The following OVOL2 variants were observed in gnomAD, a reference collection of about 807,000 sequenced individuals.
OVOL2 encodes ovo like zinc finger 2, also known as transcription factor Ovo-like 2.
In OVOL2, 13 loss-of-function variants were observed where a neutral mutation model predicts 18.1. The observed-to-expected ratio is 0.72, with a 90% confidence interval of 0.47 to 1.14. The LOEUF (loss-of-function observed/expected upper bound fraction) is 1.14. Ranked by LOEUF, OVOL2 falls within the 50% of genes most tolerant of loss-of-function variation. The pLI, the probability that OVOL2 is intolerant of heterozygous loss-of-function variation, is 0.00. For missense variants in OVOL2, 335 were observed against 383.0 expected (o/e 0.87, Z 1.05); for synonymous variants, 166 against 162.7 (o/e 1.02, Z -0.16).
intron 3 of OVOL2, among the ~76,000 whole-genome samples, chr20:18,034,016 A>T (rs1338684018): frequency 6.6e-6 from 1 of 152,056 alleles, no homozygotes; most frequent in East Asian, 1.9e-4. Context: ...CCCTCTCTCT[A>T]TTTTGAGCTG....
intron 3 of OVOL2, among the ~76,000 whole-genome samples, chr20:18,035,730 A>G (rs1304170420): frequency 6.6e-6 from 1 of 152,196 alleles, no homozygotes; most frequent in Non-Finnish European, 1.5e-5. Context: ...CCTTCATCAG[A>G]AAATAGGTCG....
chr20:18,035,845 A>G (rs2036610892), intron 3 of OVOL2, among the ~76,000 whole-genome samples: 1 of 152,244 alleles, frequency 6.6e-6, no homozygotes, highest in Non-Finnish European at 1.5e-5. Flanking sequence ...AGTGCCATCC[A>G]ATAGAAATTA....
At chr20:18,038,868 T>A (rs2036643692) in intron 3 of OVOL2, among the ~76,000 whole-genome samples, 1 of 152,082 alleles carries the variant, frequency 6.6e-6, no homozygotes, top group African/African-American at 2.4e-5. Flanking sequence ...TGCTGCTGGA[T>A]GGGTCCCTTG....
chr20:18,054,427 T>A (rs2036798235), intron 2 of OVOL2, among the ~76,000 whole-genome samples: 1 of 152,190 alleles, frequency 6.6e-6, no homozygotes, highest in African/African-American at 2.4e-5. Flanking sequence ...CTTCTTGTGG[T>A]CCTGGGAGCC....
intron 3 of OVOL2, among the ~76,000 whole-genome samples, chr20:18,036,092 G>A (rs1054226018): frequency 2.6e-5 from 4 of 151,982 alleles, no homozygotes; most frequent in Admixed American, 6.6e-5. Flanking sequence ...TCAGGAGTTC[G>A]AAACCAGCCT....
At position 18,041,534 on chromosome 20, in the gene OVOL2, C is replaced by G. The variant is rs1447735716; in HGVS notation, c.511G>C (p.Gly171Arg). 1 of 1,609,904 alleles carries G rather than the reference C, an allele frequency of 6.2e-7. No individual in the cohort carries two copies. Among genetic ancestry groups the G allele is most frequent in the East Asian group, 2.2e-5 (1 of 44,742 alleles). Residue 171 changes from glycine to arginine, a missense_variant and splice_region_variant, in exon 3 of 4, where the codon GGC becomes CGC. Transcript: ENST00000278780. Reference protein sequence around the residue: ...DLKRHVRTHTGIRPYKCNVCN... With the variant: ...DLKRHVRTHTRIRPYKCNVCN... Reference sequence around the variant, plus strand: ...AACAAAGCACGCACTCCCCGCTCACCTGTGTGTGTGCGGACGTGCCTCTTC... The same window carrying G: ...AACAAAGCACGCACTCCCCGCTCACGTGTGTGTGTGCGGACGTGCCTCTTC...
chr20:18,056,533 C>A lies in OVOL2; in HGVS notation c.321+124G>T. ...AGGGGCAGGTGCAGGAGCGGCGCGG[C>A]GGGCGCGCTCGGGGCGCGGGTGCCG... On this transcript the variant is annotated intron_variant, in intron 2 of 3. Coordinates refer to ENST00000278780, the MANE Select transcript of OVOL2 (RefSeq NM_021220.4). This position sits in a 1 kb window ranked among gnomAD's most constrained non-coding sequence, Gnocchi z 4.2. The A allele has an allele frequency of 9.5e-7, 1 of 1,055,840 alleles. No individual in the cohort carries two copies. The highest frequency in any genetic ancestry group is 4.5e-5 in the South Asian group (1 of 22,336). The allele number at this position is 1,055,840 out of a possible 1,614,324, so 65.4% of individuals were successfully genotyped here.
chr20:18,057,742 C>T lies in OVOL2; in HGVS notation c.-108G>A. The T allele has an allele frequency of 6.9e-7, 1 of 1,442,614 alleles. No individual in the cohort carries two copies. 89.4% of individuals were successfully genotyped at this position (1,442,614 alleles called of 1,614,324 possible). On this transcript the variant is annotated 5_prime_UTR_variant, in exon 1 of 4. Transcript: ENST00000278780. This position sits in a 1 kb window ranked among gnomAD's most constrained non-coding sequence, Gnocchi z 6.3. ...TCCCGGCGGCCAGAGCCCACCTTCC[C>T]GCCTCGCCTGCCCTCTTCCTCCACC...
chr20:18,056,892 G>A lies in OVOL2; in HGVS notation c.101-15C>T. 6.8e-7 allele frequency: 1 copy of A among 1,477,256 alleles called. No individual in the cohort carries two copies. The highest frequency in any genetic ancestry group is 8.9e-7 in the Non-Finnish European group (1 of 1,122,120). The allele number at this position is 1,477,256 out of a possible 1,614,324, so 91.5% of individuals were successfully genotyped here. A position where few individuals can be genotyped will look rare whatever the true frequency, so the allele number is the denominator to read the frequency against. ...GCCTAGGCCCACTGTGGAGGGAGGG[G>A]CCGCGCCCCGACACACACACTCGGC... On this transcript the variant is annotated splice_polypyrimidine_tract_variant and intron_variant, in intron 1 of 3. Transcript: ENST00000278780. The surrounding 1 kb of genome is among the most constrained non-coding windows in gnomAD (Gnocchi z 4.2).
At position 18,024,756 on chromosome 20, in the gene OVOL2, G is replaced by A. The variant is rs1486666058; in HGVS notation, c.708C>T (p.Ala236=). The A allele has an allele frequency of 6.2e-7, 1 of 1,614,108 alleles. No homozygotes were observed. The highest frequency in any genetic ancestry group is 1.1e-5 in the South Asian group (1 of 91,076). Reference sequence around the variant, plus strand: ...TTTTGAGAAACGAGCTGCCCGGATGGGCACTGTTCACGTGCAGGTACAGGT... The same window carrying A: ...TTTTGAGAAACGAGCTGCCCGGATGAGCACTGTTCACGTGCAGGTACAGGT... ...QEDLYLHVNS[A]HPGSSFLKKT... is the part of the protein sequence containing the mutation. Residue 236 remains alanine (A), a synonymous_variant, in exon 4 of 4, where the codon GCC becomes GCT. Transcript: ENST00000278780.
At chr20:18,024,993 G>T in intron 3 of OVOL2, 41 bp from the exon 4 acceptor site, 1 of 1,575,734 alleles carries the variant, frequency 6.3e-7, no homozygotes, top group South Asian at 1.2e-5. Flanking sequence ...GTTGGTCATG[G>T]CCAAGCCAGA....
intron 2 of OVOL2, among the ~76,000 whole-genome samples, chr20:18,045,975 TG>T (rs2036721393): frequency 6.6e-6 from 1 of 152,188 alleles, no homozygotes; most frequent in Non-Finnish European, 1.5e-5. Flanking sequence ...CACCAAGAAG[TG>T]GCTCAGGTAG....
In OVOL2 at chr20:18,039,824, G is replaced by A. The variant is rs182751760; in HGVS notation, c.511+1710C>T. ...GGCCTAAGAAGGAACCTGTATGAGGGCTGAGTAGCTGGGAGCCCCATCTGG... is the reference window on the plus strand; with the variant it reads ...GGCCTAAGAAGGAACCTGTATGAGGACTGAGTAGCTGGGAGCCCCATCTGG... On this transcript the variant is annotated intron_variant, in intron 3 of 3. Coordinates refer to ENST00000278780, the MANE Select transcript of OVOL2 (RefSeq NM_021220.4). Among the ~76,000 whole-genome samples, 193 of 152,224 alleles carry A rather than the reference G, an allele frequency of 1.3e-3. 1 individual carries two copies. Among genetic ancestry groups the A allele is most frequent in the Non-Finnish European group, 2.1e-3 (141 of 68,028 alleles).
chr20:18,057,791 C>G lies in OVOL2; in HGVS notation c.-157G>C. 1 of 1,385,840 alleles carries G rather than the reference C, an allele frequency of 7.2e-7. No homozygotes were observed. 85.8% of individuals were successfully genotyped at this position (1,385,840 alleles called of 1,614,324 possible). A position where few individuals can be genotyped will look rare whatever the true frequency, so the allele number is the denominator to read the frequency against. Reference sequence around the variant, plus strand: ...CCCCCCGCCGCGGCGCGGCCCAGGCCTCTCCCCCGCACGCCTGGCGACTCC... The same window carrying G: ...CCCCCCGCCGCGGCGCGGCCCAGGCGTCTCCCCCGCACGCCTGGCGACTCC... On this transcript the variant is annotated 5_prime_UTR_variant, in exon 1 of 4. Transcript: ENST00000278780. This position sits in a 1 kb window ranked among gnomAD's most constrained non-coding sequence, Gnocchi z 6.3.
rs1163289673 is a variant in OVOL2 at position 18,056,514 on chromosome 20, A to G, written c.321+143T>C. 1.0e-6 allele frequency: 1 copy of G among 998,950 alleles called. No homozygotes were observed. The highest frequency in any genetic ancestry group is 1.2e-6 in the Non-Finnish European group (1 of 837,842). The allele number at this position is 998,950 out of a possible 1,614,324, so 61.9% of individuals were successfully genotyped here. ...GGCGCCCTGGCCGCCGCCCAGGGGCAGGTGCAGGAGCGGCGCGGCGGGCGC... is the reference window on the plus strand; with the variant it reads ...GGCGCCCTGGCCGCCGCCCAGGGGCGGGTGCAGGAGCGGCGCGGCGGGCGC... On this transcript the variant is annotated intron_variant, in intron 2 of 3. Transcript: ENST00000278780. This position sits in a 1 kb window ranked among gnomAD's most constrained non-coding sequence, Gnocchi z 4.2.
intron 2 of OVOL2, among the ~76,000 whole-genome samples, chr20:18,051,605 C>T (rs2036771942): frequency 6.6e-6 from 1 of 152,148 alleles, no homozygotes; most frequent in Non-Finnish European, 1.5e-5. Context: ...GCTGACCAAG[C>T]AGGGAGAGTT....
At position 18,056,537 on chromosome 20, in the gene OVOL2, C is replaced by A. The variant is rs978451867; in HGVS notation, c.321+120G>T. 10 of 1,075,926 alleles carry A rather than the reference C, an allele frequency of 9.3e-6. No individual in the cohort carries two copies. The African/African-American group carries it at 1.0e-4, about 11-fold the overall frequency. 66.6% of individuals were successfully genotyped at this position (1,075,926 alleles called of 1,614,324 possible). A position where few individuals can be genotyped will look rare whatever the true frequency, so the allele number is the denominator to read the frequency against. Reference sequence around the variant, plus strand: ...GCAGGTGCAGGAGCGGCGCGGCGGGCGCGCTCGGGGCGCGGGTGCCGGGTT... The same window carrying A: ...GCAGGTGCAGGAGCGGCGCGGCGGGAGCGCTCGGGGCGCGGGTGCCGGGTT... On this transcript the variant is annotated intron_variant, in intron 2 of 3. Coordinates refer to ENST00000278780, the MANE Select transcript of OVOL2 (RefSeq NM_021220.4). The surrounding 1 kb of genome is among the most constrained non-coding windows in gnomAD (Gnocchi z 4.2).
At chr20:18,036,617 G>A (rs1318664177) in intron 3 of OVOL2, among the ~76,000 whole-genome samples, 2 of 152,172 alleles carry the variant, frequency 1.3e-5, no homozygotes, top group African/African-American at 4.8e-5. Flanking sequence ...TAGAAGAGTA[G>A]GAGATGGAGA....
intron 3 of OVOL2, among the ~76,000 whole-genome samples, chr20:18,038,142 T>C (rs956515583): frequency 6.6e-5 from 10 of 152,190 alleles, no homozygotes; most frequent in Admixed American, 3.3e-4. Context: ...GCTGTTTCAC[T>C]TGTCTCACAG....
Sources: allele counts gnomAD v4.1 joint callset (sites outside exome capture counted in the v4.1 genomes callset), GRCh38; gene constraint gnomAD v4.1.1; non-coding constraint Gnocchi (gnomAD v3.1); transcripts MANE v1.5; gene names NCBI Gene and HGNC (gene_info 2026-07-23, HGNC 2026-07-21).